HS3ST2: variants seen among roughly 807,000 people sequenced by gnomAD.
The protein encoded by HS3ST2 is heparan sulfate-glucosamine 3-sulfotransferase 2, also known as heparan sulfate glucosamine 3-O-sulfotransferase 2.
Under a neutral mutation model 26.3 loss-of-function variants are expected in HS3ST2, and 17 were observed. That is an observed-to-expected ratio of 0.65 (90% CI 0.44 to 0.97). The LOEUF (loss-of-function observed/expected upper bound fraction) is 0.97. Ranked by LOEUF, HS3ST2 falls within the 50% of genes least tolerant of loss-of-function variation. HS3ST2 has a pLI of 0.00. For missense variants in HS3ST2, 402 were observed against 501.2 expected (o/e 0.80, Z 1.89); for synonymous variants, 237 against 219.2 (o/e 1.08, Z -0.72).
chr16:22,874,632 G>C (rs990562505), intron 1 of HS3ST2, among the ~76,000 whole-genome samples: 5 of 152,208 alleles, frequency 3.3e-5, no homozygotes, highest in African/African-American at 7.2e-5. Flanking sequence ...TTCACTGTAA[G>C]TGTCACTGCT....
intron 1 of HS3ST2, among the ~76,000 whole-genome samples, chr16:22,877,479 C>T (rs758687127): frequency 3.3e-5 from 5 of 152,162 alleles, no homozygotes; most frequent in Admixed American, 6.6e-5. Context: ...GTTGGCCTGG[C>T]GACTTACTGC....
At chr16:22,888,438 G>A (rs113714204) in intron 1 of HS3ST2, among the ~76,000 whole-genome samples, 1 of 138,846 alleles carries the variant, frequency 7.2e-6, no homozygotes, top group Non-Finnish European at 1.5e-5. Context: ...CCAGGCTGGA[G>A]TGCAGTGGCA....
intron 1 of HS3ST2, among the ~76,000 whole-genome samples, chr16:22,888,030 G>C (rs208619): frequency 0.45 from 69,148 of 152,058 alleles, 16,311 homozygotes; most frequent in Admixed American, 0.55. Context: ...ACAACTCTAG[G>C]TTGGATCCCA....
At chr16:22,851,374 C>T (rs911701170) in intron 1 of HS3ST2, among the ~76,000 whole-genome samples, 14 of 152,154 alleles carry the variant, frequency 9.2e-5, no homozygotes, top group African/African-American at 2.9e-4. Context: ...TCATTTTATA[C>T]GTGAGGAAAC....
At chr16:22,914,197 C>A (rs573175012) in intron 1 of HS3ST2, among the ~76,000 whole-genome samples, 1 of 151,886 alleles carries the variant, frequency 6.6e-6, no homozygotes, top group Admixed American at 6.6e-5. Context: ...TCTGCACTCA[C>A]CTCAAGTTTC....
At chr16:22,837,167 G>C (rs1384790641) in intron 1 of HS3ST2, among the ~76,000 whole-genome samples, 1 of 150,276 alleles carries the variant, frequency 6.7e-6, no homozygotes, top group Non-Finnish European at 1.5e-5. Flanking sequence ...TCTAAAGTCA[G>C]ACTGTCCTGA....
At chr16:22,872,838 A>AT (rs1473370435) in intron 1 of HS3ST2, among the ~76,000 whole-genome samples, 3 of 152,202 alleles carry the variant, frequency 2.0e-5, no homozygotes, top group Admixed American at 1.3e-4. Flanking sequence ...ATGTTGGTTT[A>AT]TAAGAGTCAC....
At chr16:22,819,112 CTTCCTTCCTTCCTTCCTTCA>C (rs1245205273) in intron 1 of HS3ST2, among the ~76,000 whole-genome samples, 3 of 46,302 alleles carry the variant, frequency 6.5e-5, no homozygotes, top group Non-Finnish European at 8.3e-5. Flanking sequence ...CCCTTCCTTC[CTTCCTTCCTTCCTTCCTTCA>C]TTCCTTCCTT....
Position 22,814,893 on chromosome 16 carries a change from GC to G in HS3ST2, c.287del (p.Pro96LeufsTer27). On this transcript the variant is annotated frameshift_variant, in exon 1 of 2. Transcript: ENST00000261374. LOFTEE classifies it high-confidence loss of function. ...CAGCGCGCCCGCCGCCGCCGTGCCC[GC>G]CCCTCGCCTCTCCGGTTCCAACCAC... is the stretch of plus-strand genomic sequence containing the variant. The part of the protein sequence containing the change: ...APSAPAAAVP[A>X]PRLSGSNHSG... 1 of 1,568,258 alleles carries G rather than the reference GC, an allele frequency of 6.4e-7. No homozygotes were observed.
chr16:22,853,816 G>A (rs999305174), intron 1 of HS3ST2, among the ~76,000 whole-genome samples: 1 of 152,102 alleles, frequency 6.6e-6, no homozygotes, highest in Non-Finnish European at 1.5e-5. Flanking sequence ...CCCAGCGTCC[G>A]CAGCCAAAAC....
intron 1 of HS3ST2, among the ~76,000 whole-genome samples, chr16:22,905,582 T>C (rs1187821762): frequency 6.6e-6 from 1 of 152,196 alleles, no homozygotes; most frequent in East Asian, 1.9e-4. Flanking sequence ...GATTAAAGCC[T>C]TGTCTTTATT....
intron 1 of HS3ST2, among the ~76,000 whole-genome samples, chr16:22,835,865 A>G (rs1288486554): frequency 6.6e-6 from 1 of 152,242 alleles, no homozygotes; most frequent in Non-Finnish European, 1.5e-5. Context: ...AAATGAAGAA[A>G]ATGAATTGAC....
intron 1 of HS3ST2, among the ~76,000 whole-genome samples, chr16:22,830,710 A>G (rs926056971): frequency 2.0e-5 from 3 of 152,230 alleles, no homozygotes; most frequent in Non-Finnish European, 2.9e-5. Context: ...CAACCTGTCT[A>G]CAACCTCCCC....
At chr16:22,838,841 G>A (rs1901312469) in intron 1 of HS3ST2, among the ~76,000 whole-genome samples, 1 of 152,184 alleles carries the variant, frequency 6.6e-6, no homozygotes, top group Admixed American at 6.5e-5. Flanking sequence ...GAGTTCAGGG[G>A]TTGCTGCTTC....
At chr16:22,839,563 C>T (rs778775916) in intron 1 of HS3ST2, among the ~76,000 whole-genome samples, 3 of 152,018 alleles carry the variant, frequency 2.0e-5, no homozygotes, top group Non-Finnish European at 4.4e-5. Context: ...ATTTTCTTTC[C>T]TGGGTAGCAG....
At chr16:22,899,466 T>A (rs1902253844) in intron 1 of HS3ST2, among the ~76,000 whole-genome samples, 1 of 152,098 alleles carries the variant, frequency 6.6e-6, no homozygotes, top group Non-Finnish European at 1.5e-5. Flanking sequence ...GGTTTGGTCA[T>A]TTGCAGAGAA....
chr16:22,906,671 G>T (rs369080154), intron 1 of HS3ST2, among the ~76,000 whole-genome samples: 1 of 152,192 alleles, frequency 6.6e-6, no homozygotes, highest in Non-Finnish European at 1.5e-5. Flanking sequence ...CCCCTCAGTC[G>T]TGAGCCAGAG....
At chr16:22,832,608 A>G (rs1035828476) in intron 1 of HS3ST2, among the ~76,000 whole-genome samples, 1 of 151,984 alleles carries the variant, frequency 6.6e-6, no homozygotes, top group Admixed American at 6.6e-5. Flanking sequence ...TAGATGTCCA[A>G]CCAGGCTTCT....
intron 1 of HS3ST2, among the ~76,000 whole-genome samples, chr16:22,841,590 C>T (rs1301263058): frequency 6.6e-6 from 1 of 152,210 alleles, no homozygotes; most frequent in Admixed American, 6.5e-5. Flanking sequence ...ACACTAATTC[C>T]TATCACCACC....
Sources: gnomAD v4.1 joint callset for allele counts (sites outside exome capture counted in the v4.1 genomes callset) on GRCh38, gnomAD v4.1.1 for gene constraint, MANE v1.5 for transcripts, NCBI Gene and HGNC (gene_info 2026-07-23, HGNC 2026-07-21) for gene names.